GRM7: variants seen among roughly 807,000 people sequenced by gnomAD.
GRM7 encodes the protein glutamate metabotropic receptor 7, also known as metabotropic glutamate receptor 7.
GRM7 carries 35 observed loss-of-function variants against 84.5 expected under a neutral mutation model. That is an observed-to-expected ratio of 0.41 (90% CI 0.32 to 0.55). The LOEUF is 0.55. Ranked by LOEUF, GRM7 falls within the 20% of genes least tolerant of loss-of-function variation. The probability of loss-of-function intolerance (pLI) is 0.19; values close to 1 mark genes in which losing one functional copy is unlikely to be tolerated. For missense variants in GRM7, 1,003 were observed against 1,194.6 expected (o/e 0.84, Z 2.36); for synonymous variants, 487 against 455.1 (o/e 1.07, Z -0.89).
At chr3:7,701,758 A>C (rs927828963) in intron 9 of GRM7, among the ~76,000 whole-genome samples, 2 of 152,126 alleles carry the variant, frequency 1.3e-5, no homozygotes, top group African/African-American at 4.8e-5. Flanking sequence ...AGAGATTTGG[A>C]AACTGAACAC....
chr3:6,902,918 C>G (rs891504232), intron 1 of GRM7, among the ~76,000 whole-genome samples: 1 of 151,172 alleles, frequency 6.6e-6, no homozygotes, highest in Non-Finnish European at 1.5e-5. Context: ...AGGGTTAGAA[C>G]TTTTTATATG....
chr3:7,727,073 C>T (rs1276490994), intron 9 of GRM7, among the ~76,000 whole-genome samples: 1 of 151,866 alleles, frequency 6.6e-6, no homozygotes, highest in Non-Finnish European at 1.5e-5. Flanking sequence ...TTACAGAATA[C>T]TCACAATTTT....
Position 7,429,560 on chromosome 3 carries a change from C to A in GRM7, c.1174+14397C>A, listed in dbSNP as rs543634083. Among the ~76,000 whole-genome samples, 10 of 152,122 alleles carry A rather than the reference C, an allele frequency of 6.6e-5. No homozygotes were observed. In the South Asian group the frequency reaches 8.3e-4, roughly 13 times the overall value. On this transcript the variant is annotated intron_variant, in intron 5 of 9. Transcript: ENST00000357716. Reference sequence around the variant, plus strand: ...GAGAGTCTTCAAATTGTTTTTAATACCCCTGTGTCATTTGATCCTCCCTAC... The same window carrying A: ...GAGAGTCTTCAAATTGTTTTTAATAACCCTGTGTCATTTGATCCTCCCTAC...
intron 2 of GRM7, among the ~76,000 whole-genome samples, chr3:7,296,692 A>C (rs2125018561): frequency 6.6e-6 from 1 of 152,162 alleles, no homozygotes; most frequent in Admixed American, 6.6e-5. Context: ...TTATATTTTG[A>C]TATCCATGAG....
At position 7,191,623 on chromosome 3, in the gene GRM7, A is replaced by G. The variant is rs555796883; in HGVS notation, c.736+44955A>G. On this transcript the variant is annotated intron_variant, in intron 2 of 9. Coordinates refer to ENST00000357716, the MANE Select transcript of GRM7 (RefSeq NM_000844.4). ...GGATAAATCACAAATGCGTTATGCT[A>G]AATGAAACAAGCCAGTCTCAAAAGG... Among the ~76,000 whole-genome samples, 318 of 151,312 alleles carry G rather than the reference A, an allele frequency of 2.1e-3. 1 individual carries two copies. Among genetic ancestry groups the G allele is most frequent in the Non-Finnish European group, 3.7e-3 (253 of 67,888 alleles).
intron 5 of GRM7, among the ~76,000 whole-genome samples, chr3:7,447,217 A>G (rs1697555895): frequency 6.6e-6 from 1 of 152,224 alleles, no homozygotes; most frequent in Admixed American, 6.5e-5. Flanking sequence ...AAAGAATATA[A>G]TAATGTCTTA....
At chr3:7,363,974 A>T (rs1337723068) in intron 4 of GRM7, among the ~76,000 whole-genome samples, 4 of 152,102 alleles carry the variant, frequency 2.6e-5, no homozygotes, top group Admixed American at 2.0e-4. Context: ...CTGATTAAAA[A>T]GAAAGTTTAT....
intron 1 of GRM7, among the ~76,000 whole-genome samples, chr3:7,053,266 C>G (rs1425092911): frequency 6.6e-6 from 1 of 150,782 alleles, no homozygotes; most frequent in African/African-American, 2.4e-5. Flanking sequence ...AATAAGAGCT[C>G]TTTATATTAA....
chr3:7,735,549 GCCCAA>G (rs1702474434), intron 9 of GRM7, among the ~76,000 whole-genome samples: 1 of 152,078 alleles, frequency 6.6e-6, no homozygotes, highest in Non-Finnish European at 1.5e-5. Flanking sequence ...TCAGAATATA[GCCCAA>G]CACATAATAC....
intron 7 of GRM7, among the ~76,000 whole-genome samples, chr3:7,562,802 C>G (rs1694086472): frequency 6.6e-6 from 1 of 152,092 alleles, no homozygotes; most frequent in Non-Finnish European, 1.5e-5. Flanking sequence ...TCAAAGTCTT[C>G]AGTACACTAA....
intron 1 of GRM7, among the ~76,000 whole-genome samples, chr3:6,938,151 T>C (rs548048638): frequency 6.6e-6 from 1 of 152,354 alleles, no homozygotes; most frequent in African/African-American, 2.4e-5. Context: ...CAATGGATTA[T>C]GGATTATTAT....
chr3:6,929,711 C>T (rs1697432682), intron 1 of GRM7, among the ~76,000 whole-genome samples: 1 of 152,106 alleles, frequency 6.6e-6, no homozygotes, highest in South Asian at 2.1e-4. Flanking sequence ...GCCCTGTTTA[C>T]AATGACAGAC....
intron 2 of GRM7, among the ~76,000 whole-genome samples, chr3:7,232,305 G>A (rs1361869908): frequency 6.6e-6 from 1 of 151,898 alleles, no homozygotes; most frequent in Non-Finnish European, 1.5e-5. Flanking sequence ...TCAAAATATA[G>A]ATTAACTTTT....
chr3:7,578,671 C>A lies in GRM7; in HGVS notation c.1765C>A (p.Pro589Thr). The A allele has an allele frequency of 1.2e-6, 2 of 1,613,966 alleles. No individual in the cohort carries two copies. The highest frequency in any genetic ancestry group is 8.5e-7 in the Non-Finnish European group (1 of 1,179,872). The change falls in exon 8 of 10, where the codon CCC (proline) becomes ACC (threonine). Residue 589 changes from proline (P) to threonine (T), a missense_variant. Pro to Thr is a conservative substitution (Grantham distance 38). Coordinates refer to ENST00000357716, the MANE Select transcript of GRM7 (RefSeq NM_000844.4). Reference sequence around the variant, plus strand: ...CATCATCAAACTGGAGTGGCACTCCCCCTGGGCTGTGATTCCTGTCTTCCT... The same window carrying A: ...CATCATCAAACTGGAGTGGCACTCCACCTGGGCTGTGATTCCTGTCTTCCT... ...IPIIKLEWHS[P>T]WAVIPVFLAM... is the part of the protein sequence containing the mutation.
intron 2 of GRM7, among the ~76,000 whole-genome samples, chr3:7,244,483 A>G (rs1475303922): frequency 6.6e-6 from 1 of 152,130 alleles, no homozygotes; most frequent in East Asian, 1.9e-4. Flanking sequence ...GTCTCAGCAG[A>G]TATTTCAGCA....
chr3:7,425,175 T>C (rs1386019787), intron 5 of GRM7, among the ~76,000 whole-genome samples: 1 of 152,192 alleles, frequency 6.6e-6, no homozygotes, highest in Non-Finnish European at 1.5e-5. Flanking sequence ...GTAGAACATG[T>C]TTGATAATGA....
intron 4 of GRM7, among the ~76,000 whole-genome samples, chr3:7,317,295 C>T (rs1188562815): frequency 1.5e-5 from 2 of 134,324 alleles, no homozygotes; most frequent in Non-Finnish European, 1.5e-5. Flanking sequence ...ATACCACAGA[C>T]CTTAAGGAGA....
chr3:7,377,910 G>A (rs1355160223), intron 4 of GRM7, among the ~76,000 whole-genome samples: 1 of 152,150 alleles, frequency 6.6e-6, no homozygotes, highest in Non-Finnish European at 1.5e-5. Context: ...AAAGATCCCT[G>A]ATCTTTCCAT....
intron 1 of GRM7, among the ~76,000 whole-genome samples, chr3:7,080,843 T>C (rs1157969605): frequency 6.6e-6 from 1 of 152,054 alleles, no homozygotes; most frequent in African/African-American, 2.4e-5. Context: ...CATTCTTGCG[T>C]GTCCTATACT....
Sources: gnomAD v4.1 joint callset for allele counts (sites outside exome capture counted in the v4.1 genomes callset) on GRCh38, gnomAD v4.1.1 for gene constraint, MANE v1.5 for transcripts, NCBI Gene and HGNC (gene_info 2026-07-23, HGNC 2026-07-21) for gene names.